Variants in FAM13A observed in about 807,000 individuals in gnomAD.
FAM13A encodes protein FAM13A.
FAM13A carries 76 observed loss-of-function variants against 129.6 expected under a neutral mutation model. That is an observed-to-expected ratio of 0.59 (90% CI 0.49 to 0.71). The LOEUF (loss-of-function observed/expected upper bound fraction) is 0.71. Among genes scored for constraint, FAM13A ranks in the 30% least tolerant of loss-of-function variants. FAM13A has a pLI of 0.00. For synonymous variants in FAM13A, 443 were observed against 449.9 expected (o/e 0.98, Z 0.20); for missense variants, 1,108 against 1,249.3 (o/e 0.89, Z 1.70).
At chr4:88,841,932 C>T (rs80231312) in intron 7 of FAM13A, among the ~76,000 whole-genome samples, 281 of 152,242 alleles carry the variant, frequency 1.8e-3, no homozygotes, top group African/African-American at 6.5e-3. Flanking sequence ...AATATATGCC[C>T]GTACGAAGGC....
At position 88,787,810 on chromosome 4, in the gene FAM13A, G is replaced by T. The variant is rs1438745330; in HGVS notation, c.1214C>A (p.Ala405Asp). The T allele has an allele frequency of 1.9e-6, 3 of 1,613,548 alleles. No individual in the cohort carries two copies. In the East Asian group the frequency reaches 6.7e-5, roughly 36 times the overall value. The change falls in exon 10 of 24, where the codon GCC becomes GAC. Residue 405 changes from alanine (A) to aspartate (D), a missense_variant. Ala to Asp is a moderately radical substitution (Grantham distance 126). This residue lies in a region of FAM13A where 566 missense variants were observed against 595.7 expected (regional missense o/e 0.95). Transcript: ENST00000264344. ...CTTGGACTGGCGGCGGCGCTGTCTG[G>T]CAGATGTGGCAGAAGATGCTGATAG... ...GTLSASSATS[A>D]RQRRRQSKEQ...
chr4:88,923,445 C>CA (rs1751486200), intron 5 of FAM13A, among the ~76,000 whole-genome samples: 2 of 152,128 alleles, frequency 1.3e-5, no homozygotes, highest in Non-Finnish European at 1.5e-5. Context: ...GAACCAAAGA[C>CA]AAAAACCACA....
At chr4:88,844,872 A>G (rs945555229) in intron 7 of FAM13A, among the ~76,000 whole-genome samples, 3 of 152,164 alleles carry the variant, frequency 2.0e-5, no homozygotes, top group African/African-American at 7.2e-5. Flanking sequence ...CTATGACTGG[A>G]TGACAGGGGT....
At chr4:89,036,323 A>T (rs1011392791) in intron 1 of FAM13A, among the ~76,000 whole-genome samples, 1 of 152,102 alleles carries the variant, frequency 6.6e-6, no homozygotes, top group African/African-American at 2.4e-5. Flanking sequence ...TTCTCTAGGG[A>T]TGTGTGAAAC....
chr4:88,983,425 T>C (rs900417251), intron 4 of FAM13A, among the ~76,000 whole-genome samples: 8 of 152,092 alleles, frequency 5.3e-5, no homozygotes, highest in East Asian at 1.9e-4. Context: ...AAAAGACAGA[T>C]GGCCCTTAAA....
At chr4:88,735,462 A>G (rs1028978526) in intron 21 of FAM13A, among the ~76,000 whole-genome samples, 1 of 152,168 alleles carries the variant, frequency 6.6e-6, no homozygotes, top group African/African-American at 2.4e-5. Context: ...CAATGTCTCT[A>G]TTCTGCCAGA....
At chr4:88,967,556 T>C (rs1409974139) in intron 4 of FAM13A, among the ~76,000 whole-genome samples, 2 of 152,198 alleles carry the variant, frequency 1.3e-5, no homozygotes, top group Non-Finnish European at 1.5e-5. Context: ...TTCATATTTA[T>C]CTTAATTTAT....
At chr4:88,823,944 TACACAG>T (rs1732550526) in intron 7 of FAM13A, among the ~76,000 whole-genome samples, 1 of 152,250 alleles carries the variant, frequency 6.6e-6, no homozygotes, top group Non-Finnish European at 1.5e-5. Flanking sequence ...TGAATGTGTT[TACACAG>T]TTATTTTTCT....
At chr4:88,898,271 AT>A (rs1746684002) in intron 6 of FAM13A, among the ~76,000 whole-genome samples, 1 of 152,066 alleles carries the variant, frequency 6.6e-6, no homozygotes, top group African/African-American at 2.4e-5. Flanking sequence ...CTCAAATCCC[AT>A]GTTTTTTTCC....
chr4:88,843,363 T>C (rs1736148739), intron 7 of FAM13A, among the ~76,000 whole-genome samples: 1 of 152,230 alleles, frequency 6.6e-6, no homozygotes, highest in African/African-American at 2.4e-5. Flanking sequence ...TCAAATTATA[T>C]TGTACACGTG....
chr4:88,792,070 ATAAT>A (rs1321248894), intron 8 of FAM13A, among the ~76,000 whole-genome samples: 7 of 152,160 alleles, frequency 4.6e-5, no homozygotes, highest in Non-Finnish European at 1.0e-4. Flanking sequence ...TTCGTATTAA[ATAAT>A]TAAGAAGATA....
chr4:88,853,258 T>C (rs1737920986), intron 6 of FAM13A, among the ~76,000 whole-genome samples: 1 of 152,198 alleles, frequency 6.6e-6, no homozygotes, highest in Non-Finnish European at 1.5e-5. Flanking sequence ...CTGTACAACA[T>C]GTTGTTCTGA....
chr4:88,926,101 G>A (rs1033715850), intron 5 of FAM13A, among the ~76,000 whole-genome samples: 3 of 152,112 alleles, frequency 2.0e-5, no homozygotes, highest in Admixed American at 1.3e-4. Context: ...CAGTGGTTCT[G>A]AAGCTTAAAT....
At chr4:88,899,332 G>A (rs188599644) in intron 6 of FAM13A, among the ~76,000 whole-genome samples, 2 of 152,030 alleles carry the variant, frequency 1.3e-5, no homozygotes, top group East Asian at 3.9e-4. Flanking sequence ...GGACTTTGGG[G>A]GAAAGGGTGG....
intron 3 of FAM13A, among the ~76,000 whole-genome samples, chr4:88,993,990 CAA>C (rs777042795): frequency 1.2e-4 from 15 of 124,544 alleles, no homozygotes; most frequent in African/African-American, 1.2e-4. Flanking sequence ...GACCCTGCCT[CAA>C]AAAAAAAAAA....
rs553359117 is a variant in FAM13A, at chr4:89,044,658, T to G, written c.27+12280A>C. The stretch of plus-strand genomic sequence containing the variant: ...AGCATTATTCACGACAGCCAAAAAG[T>G]AGAAACAATCTAAATTGTTTCGCAA... On this transcript the variant is annotated intron_variant, in intron 1 of 23. Transcript: ENST00000264344. 1.2e-4 allele frequency among the ~76,000 whole-genome samples: 18 copies of G among 152,206 alleles called. No individual in the cohort carries two copies. In the East Asian group the frequency reaches 3.5e-3, roughly 29 times the overall value.
At chr4:89,000,427 C>T (rs1436863870) in intron 3 of FAM13A, among the ~76,000 whole-genome samples, 1 of 152,138 alleles carries the variant, frequency 6.6e-6, no homozygotes, top group East Asian at 1.9e-4. Flanking sequence ...TCACAAAGTA[C>T]CACATACTGT....
intron 1 of FAM13A, among the ~76,000 whole-genome samples, chr4:89,042,352 G>A (rs965822529): frequency 1.6e-4 from 25 of 152,144 alleles, no homozygotes; most frequent in Admixed American, 1.6e-3. Flanking sequence ...TATTTTATGT[G>A]AGAATCCCCA....
chr4:88,856,189 C>G (rs1375558043), intron 6 of FAM13A, among the ~76,000 whole-genome samples: 1 of 152,058 alleles, frequency 6.6e-6, no homozygotes, highest in Non-Finnish European at 1.5e-5. Flanking sequence ...TACAAAAACT[C>G]TAAGTGTGGA....
Sources: gnomAD v4.1 joint callset for allele counts (sites outside exome capture counted in the v4.1 genomes callset) on GRCh38, gnomAD v4.1.1 for gene constraint, gnomAD v4.1.1 regional missense constraint, MANE v1.5 for transcripts, NCBI Gene and HGNC (gene_info 2026-07-23, HGNC 2026-07-21) for gene names.